FYN: variants seen among roughly 807,000 people sequenced by gnomAD.
FYN encodes FYN proto-oncogene, Src family tyrosine kinase.
FYN carries 10 observed loss-of-function variants against 70.2 expected under a neutral mutation model. The observed-to-expected ratio is 0.14, with a 90% CI of 0.09 to 0.24. The LOEUF (loss-of-function observed/expected upper bound fraction) is 0.24, where lower values mean the gene tolerates loss of function less well. Among genes scored for constraint, FYN ranks in the 10% least tolerant of loss-of-function variants. The probability of loss-of-function intolerance (pLI) is 1.00; values close to 1 mark genes in which losing one functional copy is unlikely to be tolerated. For missense variants in FYN, 319 were observed against 673.1 expected (o/e 0.47, Z 5.82); for synonymous variants, 236 against 248.6 (o/e 0.95, Z 0.48).
chr6:111,743,428 T>C (rs1332474462), intron 3 of FYN, among the ~76,000 whole-genome samples: 1 of 152,214 alleles, frequency 6.6e-6, no homozygotes, highest in Admixed American at 6.5e-5. Context: ...GGGTTTTACA[T>C]GAAAATAAAA....
At chr6:111,865,983 GA>G (rs2114532677) in intron 1 of FYN, among the ~76,000 whole-genome samples, 1 of 152,164 alleles carries the variant, frequency 6.6e-6, no homozygotes, top group East Asian at 1.9e-4. Flanking sequence ...TTTTGATTCA[GA>G]ACCGACAATC....
chr6:111,857,324 C>T (rs1367838198), intron 1 of FYN, among the ~76,000 whole-genome samples: 9 of 152,238 alleles, frequency 5.9e-5, no homozygotes, highest in Middle Eastern at 3.4e-3. Context: ...ACCTGAGGCC[C>T]GAAGGCAACT....
chr6:111,828,650 A>G (rs1049829302), intron 2 of FYN, among the ~76,000 whole-genome samples: 1 of 152,224 alleles, frequency 6.6e-6, no homozygotes, highest in Non-Finnish European at 1.5e-5. Flanking sequence ...GAAATCAGCC[A>G]GTTGTAGGAC....
chr6:111,780,543 G>T (rs41302208), intron 3 of FYN, 23 bp downstream of exon 3: 1 of 152,604 alleles, frequency 6.6e-6, no homozygotes, highest in African/African-American at 2.4e-5. Flanking sequence ...AGAGGCATTA[G>T]AAGTAAATGC....
chr6:111,663,808 C>T (rs1223750366), intron 13 of FYN, among the ~76,000 whole-genome samples: 1 of 152,078 alleles, frequency 6.6e-6, no homozygotes, highest in Non-Finnish European at 1.5e-5. Flanking sequence ...AGCCTACATC[C>T]TCCTCCAATG....
chr6:111,707,296 A>G (rs558206505), intron 6 of FYN, among the ~76,000 whole-genome samples: 12 of 152,164 alleles, frequency 7.9e-5, no homozygotes, highest in Non-Finnish European at 1.6e-4. Context: ...TCCCTTTTAG[A>G]TCCCTTCAGC....
intron 3 of FYN, among the ~76,000 whole-genome samples, chr6:111,751,766 G>A (rs2128487508): frequency 6.6e-6 from 1 of 152,100 alleles, no homozygotes; most frequent in Admixed American, 6.5e-5. Context: ...GACTACAGTT[G>A]TGCACCACCA....
chr6:111,706,323 C>T (rs764536454), intron 6 of FYN, among the ~76,000 whole-genome samples: 1 of 152,154 alleles, frequency 6.6e-6, no homozygotes, highest in Non-Finnish European at 1.5e-5. Flanking sequence ...TGAAAGAATC[C>T]AGATTCTAAA....
intron 13 of FYN, among the ~76,000 whole-genome samples, chr6:111,663,093 T>C (rs1250464134): frequency 3.9e-5 from 6 of 152,224 alleles, no homozygotes; most frequent in Admixed American, 1.3e-4. Context: ...TCTCTAGTTT[T>C]GCTTCCCTTT....
At chr6:111,702,656 A>C (rs1364117791) in intron 8 of FYN, 3 of 391,110 alleles carry the variant, frequency 7.7e-6, no homozygotes, top group African/African-American at 2.1e-5. Flanking sequence ...TTGGGAAACA[A>C]AAATATTATA....
chr6:111,754,206 GA>G (rs1426272597), intron 3 of FYN, among the ~76,000 whole-genome samples: 1 of 152,124 alleles, frequency 6.6e-6, no homozygotes, highest in African/African-American at 2.4e-5. Flanking sequence ...TCTGAATGTG[GA>G]ACTCTTCTAC....
chr6:111,840,947 G>A (rs1254271333), intron 2 of FYN, among the ~76,000 whole-genome samples: 1 of 152,212 alleles, frequency 6.6e-6, no homozygotes, highest in East Asian at 1.9e-4. Flanking sequence ...GAAAGCCTCG[G>A]TGTAAAAACA....
chr6:111,697,961 A>T (rs1799646593), intron 9 of FYN, among the ~76,000 whole-genome samples: 1 of 152,212 alleles, frequency 6.6e-6, no homozygotes, highest in Admixed American at 6.5e-5. Context: ...TTAAGTCCAG[A>T]GAGAGATGGA....
intron 2 of FYN, among the ~76,000 whole-genome samples, chr6:111,842,976 T>C (rs914641767): frequency 3.9e-5 from 6 of 152,328 alleles, no homozygotes; most frequent in African/African-American, 1.4e-4. Flanking sequence ...TAATTTTTCT[T>C]TTTACTTTTC....
intron 2 of FYN, among the ~76,000 whole-genome samples, chr6:111,798,019 T>C (rs1771872555): frequency 6.6e-6 from 1 of 152,094 alleles, no homozygotes; most frequent in South Asian, 2.1e-4. Context: ...CGCCTCGGCC[T>C]CCCAAAGTGC....
intron 2 of FYN, among the ~76,000 whole-genome samples, chr6:111,838,646 T>C (rs11962822): frequency 0.048 from 7,270 of 152,296 alleles, 289 homozygotes; most frequent in East Asian, 0.14. Flanking sequence ...AGATAGTTAA[T>C]TAATTGGACG....
chr6:111,693,927 T>C lies in FYN; in HGVS notation c.1273+448A>G, dbSNP rs528240971. On this transcript the variant is annotated intron_variant, in intron 12 of 13. Coordinates refer to ENST00000354650, the MANE Select transcript of FYN (RefSeq NM_002037.5). ...TCTTGTGCCCACTTCTCTGCCCCCT[T>C]ACCTTTGAGGCCTTAGTTCTGTTGC... Among the ~76,000 whole-genome samples the C allele has an allele frequency of 2.6e-5, 4 of 152,274 alleles. No individual in the cohort carries two copies. The East Asian group carries it at 7.7e-4, about 29-fold the overall frequency.
chr6:111,853,959 G>C (rs1051710877), intron 1 of FYN, among the ~76,000 whole-genome samples: 1 of 152,202 alleles, frequency 6.6e-6, no homozygotes, highest in Admixed American at 6.5e-5. Flanking sequence ...TCCAGACAAA[G>C]GAGGGTGGAA....
chr6:111,795,469 C>T (rs1473712571), intron 2 of FYN, among the ~76,000 whole-genome samples: 1 of 152,162 alleles, frequency 6.6e-6, no homozygotes, highest in African/African-American at 2.4e-5. Context: ...GTCTATGATA[C>T]TTTGTTATGG....
Sources: gnomAD v4.1 joint callset for allele counts (sites outside exome capture counted in the v4.1 genomes callset) on GRCh38, gnomAD v4.1.1 for gene constraint, MANE v1.5 for transcripts, NCBI Gene and HGNC (gene_info 2026-07-23, HGNC 2026-07-21) for gene names.